Variants in MAP2 observed in about 807,000 individuals in gnomAD.
MAP2 encodes the protein microtubule-associated protein 2.
MAP2 carries 14 observed loss-of-function variants against 137.6 expected under a neutral mutation model. That is an observed-to-expected ratio of 0.10 (90% confidence interval 0.07 to 0.16). The LOEUF (loss-of-function observed/expected upper bound fraction) is 0.16. Among genes scored for constraint, MAP2 ranks in the 10% least tolerant of loss-of-function variants. MAP2 has a pLI of 1.00. For synonymous variants in MAP2, 786 were observed against 782.3 expected (o/e 1.00, Z -0.08); for missense variants, 2,088 against 2,191.5 (o/e 0.95, Z 0.94).
chr2:209,590,294 A>AAT (rs1398407454), intron 3 of MAP2, among the ~76,000 whole-genome samples: 1 of 152,152 alleles, frequency 6.6e-6, no homozygotes, highest in East Asian at 1.9e-4. Flanking sequence ...TTGGCTAATA[A>AAT]ATACGGTAGC....
intron 10 of MAP2, among the ~76,000 whole-genome samples, chr2:209,698,799 A>G (rs760141937): frequency 1.3e-5 from 2 of 152,200 alleles, no homozygotes; most frequent in Non-Finnish European, 2.9e-5. Context: ...ATAGCAAATT[A>G]ATAGCTTCAT....
Position 209,434,838 on chromosome 2 carries a change from T to TG in MAP2, c.-222+10562_-222+10563insG, listed in dbSNP as rs1559156806. 2.8e-4 allele frequency among the ~76,000 whole-genome samples: 23 copies of TG among 82,836 alleles called. 2 individuals are homozygous for TG. The highest frequency in any genetic ancestry group is 1.5e-3 in the African/African-American group (23 of 14,860). The allele number at this position is 82,836 out of a possible 152,430, so 54.3% of individuals were successfully genotyped here. ...TCCTCTCTCTCTCTCTCTCTCTATATATATATATATGTTATATATATATGT... is the reference window on the plus strand; with the variant it reads ...TCCTCTCTCTCTCTCTCTCTCTATATGATATATATATGTTATATATATATGT... On this transcript the variant is annotated intron_variant, in intron 1 of 15. Coordinates refer to ENST00000682079, the MANE Select transcript of MAP2 (RefSeq NM_001375505.1).
intron 8 of MAP2, 66 bp from the exon 9 acceptor site, chr2:209,696,476 T>C: frequency 4.7e-6 from 7 of 1,498,546 alleles, no homozygotes; most frequent in Non-Finnish European, 5.4e-6. Context: ...ATACAAAGGA[T>C]TTTGTACACT....
Position 209,543,495 on chromosome 2 carries a change from A to C in MAP2, c.-172+35854A>C, listed in dbSNP as rs558924759. On this transcript the variant is annotated intron_variant, in intron 2 of 15. Transcript: ENST00000682079. Reference sequence around the variant, plus strand: ...TCAATTTGTGAAAAGTGCAGGATGTATGAAGTGCAGTAAAGCAAAGTGCAA... The same window carrying C: ...TCAATTTGTGAAAAGTGCAGGATGTCTGAAGTGCAGTAAAGCAAAGTGCAA... Among the ~76,000 whole-genome samples, 5 of 152,332 alleles carry C rather than the reference A, an allele frequency of 3.3e-5. No individual in the cohort carries two copies. The East Asian group carries it at 9.6e-4, about 29-fold the overall frequency.
At chr2:209,447,829 A>G (rs1699436995) in intron 1 of MAP2, among the ~76,000 whole-genome samples, 1 of 152,054 alleles carries the variant, frequency 6.6e-6, no homozygotes. Context: ...CCTAGCTAAA[A>G]GAGACACAAC....
intron 7 of MAP2, among the ~76,000 whole-genome samples, chr2:209,684,055 T>A (rs2055982041): frequency 6.6e-6 from 1 of 152,186 alleles, no homozygotes; most frequent in Non-Finnish European, 1.5e-5. Context: ...GGAAACAAGC[T>A]GCACACTTAG....
chr2:209,708,314 C>T (rs1483494928), intron 12 of MAP2, among the ~76,000 whole-genome samples: 1 of 152,178 alleles, frequency 6.6e-6, no homozygotes, highest in East Asian at 1.9e-4. Flanking sequence ...TAATTTCTCA[C>T]TTTAGACTTC....
At chr2:209,594,366 G>C (rs1484140964) in intron 3 of MAP2, among the ~76,000 whole-genome samples, 1 of 152,144 alleles carries the variant, frequency 6.6e-6, no homozygotes, top group Non-Finnish European at 1.5e-5. Flanking sequence ...GGGAGAAGAA[G>C]AAGGGTCTCA....
At chr2:209,601,340 G>C (rs1440830277) in intron 3 of MAP2, among the ~76,000 whole-genome samples, 1 of 151,758 alleles carries the variant, frequency 6.6e-6, no homozygotes, top group East Asian at 1.9e-4. Context: ...TCATGAAGAA[G>C]TATCTCATTC....
intron 1 of MAP2, among the ~76,000 whole-genome samples, chr2:209,466,173 T>C (rs1704080948): frequency 6.6e-6 from 1 of 152,148 alleles, no homozygotes; most frequent in Non-Finnish European, 1.5e-5. Flanking sequence ...CAGAGTAAAA[T>C]TTGAGAGTAA....
chr2:209,693,019 C>T lies in MAP2; in HGVS notation c.849C>T (p.Pro283=), dbSNP rs1462515224. 2.5e-6 allele frequency: 4 copies of T among 1,612,794 alleles called. No individual in the cohort carries two copies. The South Asian group carries it at 3.3e-5, about 13-fold the overall frequency. The change falls in exon 8 of 16, where the codon CCC becomes CCT. Residue 283 remains proline, a synonymous_variant. Transcript: ENST00000682079. ...AGGATGAGTGGGGTTTAGTTGCCCC[C>T]ATATCTCCTGGCCCTCTGACTCCCA... ...AKKDEWGLVA[P]ISPGPLTPMR...
chr2:209,491,730 C>G (rs1273516683), intron 1 of MAP2, among the ~76,000 whole-genome samples: 1 of 152,076 alleles, frequency 6.6e-6, no homozygotes, highest in Non-Finnish European at 1.5e-5. Context: ...ATACACCCTC[C>G]CAAGACTAAA....
At chr2:209,702,415 A>G (rs78877517) in intron 11 of MAP2, among the ~76,000 whole-genome samples, 1,642 of 151,894 alleles carry the variant, frequency 0.011, 30 homozygotes, top group African/African-American at 0.037. Context: ...TATTTGATTT[A>G]GCTCTAATGT....
chr2:209,484,047 T>C, intron 1 of MAP2, among the ~76,000 whole-genome samples: 1 of 151,596 alleles, frequency 6.6e-6, no homozygotes, highest in Non-Finnish European at 1.5e-5. Flanking sequence ...TCTAGAACAT[T>C]CTTAAATTTC....
chr2:209,496,048 A>G (rs1464542339), intron 1 of MAP2, among the ~76,000 whole-genome samples: 1 of 152,188 alleles, frequency 6.6e-6, no homozygotes, highest in Non-Finnish European at 1.5e-5. Flanking sequence ...CAAACATGTC[A>G]GAGTACAGAA....
intron 1 of MAP2, among the ~76,000 whole-genome samples, chr2:209,454,149 CAAAAAA>C (rs869200843): frequency 1.6e-4 from 10 of 61,128 alleles, no homozygotes; most frequent in African/African-American, 3.8e-4. Context: ...GACTCTGTCT[CAAAAAA>C]AAAAAAAAAA....
At chr2:209,645,560 A>G (rs888068672) in intron 4 of MAP2, among the ~76,000 whole-genome samples, 1 of 152,180 alleles carries the variant, frequency 6.6e-6, no homozygotes, top group Non-Finnish European at 1.5e-5. Flanking sequence ...TTTTTATGAG[A>G]CATTTTGTGT....
At chr2:209,723,636 G>C in intron 13 of MAP2, 5 of 1,613,996 alleles carry the variant, frequency 3.1e-6, no homozygotes, top group Non-Finnish European at 4.2e-6. Context: ...GCAAAGTTCA[G>C]TCCAGATGTG....
chr2:209,491,851 A>G (rs1191214293), intron 1 of MAP2, among the ~76,000 whole-genome samples: 1 of 152,208 alleles, frequency 6.6e-6, no homozygotes, highest in African/African-American at 2.4e-5. Context: ...TTCATAGCCA[A>G]CTTATACCAG....
Sources: allele counts gnomAD v4.1 joint callset (sites outside exome capture counted in the v4.1 genomes callset), GRCh38; gene constraint gnomAD v4.1.1; transcripts MANE v1.5; gene names NCBI Gene and HGNC (gene_info 2026-07-23, HGNC 2026-07-21).